Variants in ANKS1B observed in about 807,000 individuals in gnomAD.
ANKS1B encodes the protein ankyrin repeat and sterile alpha motif domain containing 1B.
A neutral mutation model predicts 148.3 loss-of-function variants in ANKS1B; 36 were observed. The observed-to-expected ratio is 0.24, with a 90% CI of 0.19 to 0.32. The LOEUF is 0.32. Among genes scored for constraint, ANKS1B ranks in the 10% least tolerant of loss-of-function variants. ANKS1B has a pLI of 1.00. For synonymous variants in ANKS1B, 542 were observed against 560.8 expected, an observed-to-expected ratio of 0.97 and a Z score of 0.47; for missense variants, 1,157 against 1,542.6, an observed-to-expected ratio of 0.75 and a Z score of 4.19.
chr12:99,812,835 T>C (rs1268806386), intron 2 of ANKS1B, among the ~76,000 whole-genome samples: 1 of 151,554 alleles, frequency 6.6e-6, no homozygotes, highest in Non-Finnish European at 1.5e-5. Context: ...GAGGCATTTA[T>C]AAAATTTACA....
chr12:98,877,916 C>G (rs1345649445), intron 17 of ANKS1B, among the ~76,000 whole-genome samples: 1 of 152,104 alleles, frequency 6.6e-6, no homozygotes, highest in African/African-American at 2.4e-5. Context: ...ATATACTAGG[C>G]CTCAGTGGAA....
At chr12:99,840,378 G>C (rs955879980) in intron 1 of ANKS1B, among the ~76,000 whole-genome samples, 1 of 152,064 alleles carries the variant, frequency 6.6e-6, no homozygotes, top group African/African-American at 2.4e-5. Context: ...TTCTGACTTT[G>C]GCCTTGACTG....
At chr12:99,825,225 A>G in intron 2 of ANKS1B, 84 bp downstream of exon 2, 3 of 1,169,922 alleles carry the variant, frequency 2.6e-6, no homozygotes, top group Non-Finnish European at 3.7e-6. Flanking sequence ...TCACAGAGAC[A>G]TGAGAAAGGT....
chr12:98,971,361 T>C (rs754405712), intron 17 of ANKS1B, among the ~76,000 whole-genome samples: 7 of 152,250 alleles, frequency 4.6e-5, no homozygotes, highest in African/African-American at 9.6e-5. Context: ...AGTAACAAAG[T>C]ATTTTTTAAA....
At chr12:98,854,297 G>A (rs1214612738) in intron 17 of ANKS1B, among the ~76,000 whole-genome samples, 1 of 152,226 alleles carries the variant, frequency 6.6e-6, no homozygotes, top group Non-Finnish European at 1.5e-5. Context: ...CCAGGAAATG[G>A]TACTGTATGG....
intron 8 of ANKS1B, among the ~76,000 whole-genome samples, chr12:99,663,599 A>G (rs1036050782): frequency 6.6e-6 from 1 of 152,048 alleles, no homozygotes; most frequent in Non-Finnish European, 1.5e-5. Context: ...AGGAAAAGAA[A>G]GGAAGAAGAA....
chr12:99,529,124 T>C (rs1406823627), intron 9 of ANKS1B, among the ~76,000 whole-genome samples: 1 of 152,116 alleles, frequency 6.6e-6, no homozygotes, highest in Admixed American at 6.5e-5. Flanking sequence ...TAATGAATCA[T>C]ACAAATGCAA....
intron 14 of ANKS1B, among the ~76,000 whole-genome samples, chr12:99,208,532 G>A (rs2082948598): frequency 6.6e-6 from 1 of 152,112 alleles, no homozygotes; most frequent in Non-Finnish European, 1.5e-5. Context: ...ACAATTGTAT[G>A]TAATCCCTAG....
At chr12:99,811,545 A>G (rs1026578484) in intron 3 of ANKS1B, among the ~76,000 whole-genome samples, 1 of 151,912 alleles carries the variant, frequency 6.6e-6, no homozygotes, top group African/African-American at 2.4e-5. Context: ...AAATATGTCC[A>G]TTATGTGTAA....
chr12:99,463,596 G>A (rs565365347), intron 10 of ANKS1B, among the ~76,000 whole-genome samples: 28 of 152,326 alleles, frequency 1.8e-4, no homozygotes, highest in Non-Finnish European at 3.1e-4. Flanking sequence ...CTAATACTGC[G>A]CTTTTCCGAC....
chr12:99,111,367 T>G (rs1474491789), intron 15 of ANKS1B, among the ~76,000 whole-genome samples: 2 of 152,176 alleles, frequency 1.3e-5, no homozygotes, highest in Non-Finnish European at 2.9e-5. Flanking sequence ...TTTTTAAGAG[T>G]ATAATTTCTA....
intron 12 of ANKS1B, among the ~76,000 whole-genome samples, chr12:99,280,778 C>T (rs1448317403): frequency 1.3e-5 from 2 of 152,110 alleles, no homozygotes; most frequent in Non-Finnish European, 2.9e-5. Flanking sequence ...CTCCAGCTTG[C>T]TGACTGCAGA....
intron 25 of ANKS1B, among the ~76,000 whole-genome samples, chr12:98,765,553 T>G (rs992515158): frequency 6.6e-6 from 1 of 151,430 alleles, no homozygotes; most frequent in African/African-American, 2.4e-5. Flanking sequence ...TGTAAGCCAC[T>G]GCACCTGGCC....
intron 17 of ANKS1B, among the ~76,000 whole-genome samples, chr12:98,913,552 C>T (rs2099789708): frequency 1.3e-5 from 2 of 152,198 alleles, no homozygotes; most frequent in Non-Finnish European, 2.9e-5. Flanking sequence ...CCTCAGTGTA[C>T]ATCTCCAGCT....
rs375414781 is a variant in ANKS1B at position 98,951,438 on chromosome 12, C to T, written c.2778+101719G>A. 5.9e-5 allele frequency among the ~76,000 whole-genome samples: 9 copies of T among 152,226 alleles called. 1 individual carries two copies. The highest frequency in any genetic ancestry group is 2.0e-4 in the Admixed American group (3 of 15,284). On this transcript the variant is annotated intron_variant, in intron 17 of 26. Transcript: ENST00000683438. Reference sequence around the variant, plus strand: ...AATATTCTATTGTGTCTCTTTTCTCCCAGAAGCCGATCTCTTTGCTAAACC... The same window carrying T: ...AATATTCTATTGTGTCTCTTTTCTCTCAGAAGCCGATCTCTTTGCTAAACC...
At chr12:98,784,320 G>C (rs2098768081) in intron 22 of ANKS1B, among the ~76,000 whole-genome samples, 1 of 152,066 alleles carries the variant, frequency 6.6e-6, no homozygotes, top group Non-Finnish European at 1.5e-5. Context: ...CAAGGGGTGG[G>C]GCAGAAACAA....
At position 98,801,148 on chromosome 12, in the gene ANKS1B, A is replaced by T. The variant is rs1424904427; in HGVS notation, c.3142-23T>A. The stretch of plus-strand genomic sequence containing the variant: ...TGTCTGAAAATGACATTTATTCTAG[A>T]GGCAATATGAGCAGTCAGCAAAGTT... On this transcript the variant is annotated intron_variant, in intron 20 of 26. Coordinates refer to ENST00000683438, the MANE Select transcript of ANKS1B (RefSeq NM_001352186.2). This position sits in a 1 kb window ranked among gnomAD's most constrained non-coding sequence, Gnocchi z 5.2. 11 of 1,609,682 alleles carry T rather than the reference A, an allele frequency of 6.8e-6. No individual in the cohort carries two copies. The highest frequency in any genetic ancestry group is 9.3e-6 in the Non-Finnish European group (11 of 1,177,758).
At chr12:99,645,821 AATGCTACATAGG>A (rs1338611346) in intron 9 of ANKS1B, among the ~76,000 whole-genome samples, 2 of 152,208 alleles carry the variant, frequency 1.3e-5, no homozygotes, top group African/African-American at 4.8e-5. Context: ...TATTTGCCAG[AATGCTACATAGG>A]ATGGTTATCA....
chr12:99,145,339 T>C (rs752533815), intron 15 of ANKS1B, among the ~76,000 whole-genome samples: 3 of 152,058 alleles, frequency 2.0e-5, no homozygotes, highest in Admixed American at 1.3e-4. Flanking sequence ...GGCACTGTTG[T>C]AGAACTGTAA....
Sources: allele counts gnomAD v4.1 joint callset (sites outside exome capture counted in the v4.1 genomes callset), GRCh38; gene constraint gnomAD v4.1.1; non-coding constraint Gnocchi (gnomAD v3.1); transcripts MANE v1.5; gene names NCBI Gene and HGNC (gene_info 2026-07-23, HGNC 2026-07-21).